ERCC8: variants seen among roughly 807,000 people sequenced by gnomAD.
ERCC8 encodes ERCC excision repair 8, CSA ubiquitin ligase complex subunit.
ERCC8 carries 52 observed loss-of-function variants against 54.9 expected under a neutral mutation model. The observed-to-expected ratio is 0.95, with a 90% confidence interval of 0.76 to 1.19. The LOEUF (loss-of-function observed/expected upper bound fraction) is 1.19. Ranked by LOEUF, ERCC8 falls within the 50% of genes most tolerant of loss-of-function variation. ERCC8 has a pLI of 0.00. For synonymous variants in ERCC8, 146 were observed against 157.2 expected (o/e 0.93, Z 0.53); for missense variants, 514 against 466.1 (o/e 1.10, Z -0.95).
At chr5:60,914,471 C>A (rs1036380388) in intron 4 of ERCC8, among the ~76,000 whole-genome samples, 1 of 151,560 alleles carries the variant, frequency 6.6e-6, no homozygotes, top group Admixed American at 6.6e-5. Context: ...TTATTTTGAG[C>A]CTATGTGTGT....
chr5:60,921,287 A>C (rs957159821), intron 3 of ERCC8, among the ~76,000 whole-genome samples: 13 of 152,076 alleles, frequency 8.5e-5, no homozygotes, highest in African/African-American at 1.4e-4. Flanking sequence ...CTTTGGGAAG[A>C]GCTGTAATAG....
chr5:60,897,367 C>T (rs1159078994), intron 9 of ERCC8, among the ~76,000 whole-genome samples: 2 of 152,188 alleles, frequency 1.3e-5, no homozygotes, highest in East Asian at 3.8e-4. Context: ...GCCTTTCATA[C>T]TCTTGCTGAA....
At chr5:60,886,923 T>G (rs1748411603) in intron 11 of ERCC8, among the ~76,000 whole-genome samples, 1 of 152,072 alleles carries the variant, frequency 6.6e-6, no homozygotes, top group African/African-American at 2.4e-5. Flanking sequence ...TGAATTGCTT[T>G]TATCAATGAC....
At chr5:60,909,531 A>C (rs1056373198) in intron 4 of ERCC8, 1 of 162,466 alleles carries the variant, frequency 6.2e-6, no homozygotes, top group Non-Finnish European at 1.3e-5. Context: ...CAGCCTACTC[A>C]ATGTGAAGAT....
intron 1 of ERCC8, among the ~76,000 whole-genome samples, chr5:60,943,321 A>G (rs544526701): frequency 1.3e-5 from 2 of 152,342 alleles, no homozygotes; most frequent in South Asian, 4.1e-4. Context: ...TCTTAAACGT[A>G]TAAGCAATCC....
chr5:60,870,661 C>CA lies in ERCC8; in HGVS notation c.*3953dup, dbSNP rs542978992. 0.02 allele frequency among the ~76,000 whole-genome samples: 2,115 copies of CA among 108,352 alleles called. 39 individuals carry two copies. The highest frequency in any genetic ancestry group is 0.064 in the African/African-American group (1,874 of 29,280). The allele number at this position is 108,352 out of a possible 152,430, so 71.1% of individuals were successfully genotyped here. On this transcript the variant is annotated 3_prime_UTR_variant, in exon 12 of 12. Transcript: ENST00000676185. ...TGGGTGACAGAATGAGATTTTGTCTCAAAAAAAAAAAAGGGAAGAAAGGAA... is the reference window on the plus strand; with the variant it reads ...TGGGTGACAGAATGAGATTTTGTCTCAAAAAAAAAAAAAGGGAAGAAAGGAA...
rs1200786283 is a variant in ERCC8, at chr5:60,867,209, C to T, written c.*7406G>A. Among the ~76,000 whole-genome samples, 3 of 152,030 alleles carry T rather than the reference C, an allele frequency of 2.0e-5. No individual in the cohort carries two copies. Among genetic ancestry groups the T allele is most frequent in the Non-Finnish European group, 2.9e-5 (2 of 68,008 alleles). On this transcript the variant is annotated 3_prime_UTR_variant, in exon 12 of 12. Transcript: ENST00000676185. ...ATGTATATGTTTCCTTGGTAGTGAC[C>T]TAAGACAGACTCAGGACTTTTGATT... is the stretch of plus-strand genomic sequence containing the variant.
intron 1 of ERCC8, among the ~76,000 whole-genome samples, chr5:60,940,781 C>G (rs1750234996): frequency 6.6e-6 from 1 of 152,164 alleles, no homozygotes; most frequent in South Asian, 2.1e-4. Flanking sequence ...TTCTTGTAGC[C>G]TGAACCTAAT....
intron 1 of ERCC8, among the ~76,000 whole-genome samples, chr5:60,943,548 G>T (rs1436832506): frequency 2.6e-5 from 4 of 152,176 alleles, no homozygotes. Flanking sequence ...TGCAAAGCAT[G>T]GAGGTTTGTT....
At chr5:60,907,869 A>G (rs2112499793) in intron 4 of ERCC8, among the ~76,000 whole-genome samples, 1 of 152,194 alleles carries the variant, frequency 6.6e-6, no homozygotes, top group South Asian at 2.1e-4. Flanking sequence ...ACTAATTGCA[A>G]TCTTATTTTT....
chr5:60,891,291 G>A (rs1157025516), intron 9 of ERCC8, among the ~76,000 whole-genome samples: 2 of 151,670 alleles, frequency 1.3e-5, no homozygotes, highest in Non-Finnish European at 2.9e-5. Context: ...AAACCACAGG[G>A]GTAAATGTTT....
At chr5:60,931,295 A>T (rs2112535576) in intron 1 of ERCC8, among the ~76,000 whole-genome samples, 1 of 152,228 alleles carries the variant, frequency 6.6e-6, no homozygotes, top group East Asian at 1.9e-4. Context: ...TTGAACTTTA[A>T]CATTAAATTT....
intron 11 of ERCC8, among the ~76,000 whole-genome samples, chr5:60,882,032 G>A (rs1444396226): frequency 2.6e-5 from 4 of 152,030 alleles, no homozygotes; most frequent in Non-Finnish European, 4.4e-5. Context: ...TAGTAGAGAC[G>A]GGGTTTCACC....
intron 3 of ERCC8, among the ~76,000 whole-genome samples, chr5:60,921,285 A>G (rs1749593256): frequency 6.6e-6 from 1 of 151,964 alleles, no homozygotes; most frequent in Non-Finnish European, 1.5e-5. Context: ...TGCTTTGGGA[A>G]GAGCTGTAAT....
At position 60,873,521 on chromosome 5, in the gene ERCC8, A is replaced by G. The variant is rs974800432; in HGVS notation, c.*1094T>C. Among the ~76,000 whole-genome samples, 1 of 152,110 alleles carries G rather than the reference A, an allele frequency of 6.6e-6. No homozygotes were observed. Among genetic ancestry groups the G allele is most frequent in the Non-Finnish European group, 1.5e-5 (1 of 68,020 alleles). On this transcript the variant is annotated 3_prime_UTR_variant, in exon 12 of 12. Transcript: ENST00000676185. ...GAAACCCCATCTCTACTGAAAATAC[A>G]AAAAAATTAACCGGGCGCAGTGGCG...
At chr5:60,918,194 T>C (rs1749493097) in intron 4 of ERCC8, 71 bp downstream of exon 4, 7 of 1,204,166 alleles carry the variant, frequency 5.8e-6, no homozygotes, top group South Asian at 3.6e-5. Flanking sequence ...CAAATAATCA[T>C]ACTAAAATGG....
intron 2 of ERCC8, 34 bp from the exon 3 acceptor site, chr5:60,922,189 TTTA>T: frequency 7.3e-7 from 1 of 1,372,392 alleles, no homozygotes; most frequent in Middle Eastern, 2.2e-4. Flanking sequence ...AATTTATCAT[TTTA>T]TTTATTATTT....
chr5:60,894,811 C>A (rs573487213), intron 9 of ERCC8, among the ~76,000 whole-genome samples: 1 of 152,122 alleles, frequency 6.6e-6, no homozygotes, highest in Non-Finnish European at 1.5e-5. Context: ...AGTAACTAAT[C>A]ATTTGGGAAT....
intron 9 of ERCC8, 108 bp downstream of exon 9, chr5:60,898,158 TTTTAAAAACA>T: frequency 1.7e-6 from 2 of 1,205,608 alleles, no homozygotes; most frequent in Non-Finnish European, 2.3e-6. Context: ...AGAAACACAT[TTTTAAAAACA>T]GCTGTGATTA....
Sources: gnomAD v4.1 joint callset for allele counts (sites outside exome capture counted in the v4.1 genomes callset) on GRCh38, gnomAD v4.1.1 for gene constraint, MANE v1.5 for transcripts, NCBI Gene and HGNC (gene_info 2026-07-23, HGNC 2026-07-21) for gene names.